The following PLEKHA4 variants were observed in gnomAD, a reference collection of about 807,000 sequenced individuals.
PLEKHA4 encodes the protein pleckstrin homology domain containing A4.
A neutral mutation model predicts 94.7 loss-of-function variants in PLEKHA4; 73 were observed. The observed-to-expected ratio is 0.77, with a 90% confidence interval of 0.64 to 0.94. PLEKHA4 has a LOEUF of 0.94. Ranked by LOEUF, PLEKHA4 falls within the 40% of genes least tolerant of loss-of-function variation. The pLI, the probability that PLEKHA4 is intolerant of heterozygous loss-of-function variation, is 0.00. For synonymous variants in PLEKHA4, 449 were observed against 437.1 expected (o/e 1.03, Z -0.34); for missense variants, 1,049 against 1,054.1 (o/e 1.00, Z 0.07).
chr19:48,865,120 G>A lies in PLEKHA4; in HGVS notation c.192+383C>T, dbSNP rs530391148. Among the ~76,000 whole-genome samples, 3 of 152,222 alleles carry A rather than the reference G, an allele frequency of 2.0e-5. No individual in the cohort carries two copies. The South Asian group carries it at 6.2e-4, about 32-fold the overall frequency. ...GCATTTTAGGGAGCCGAGGCGGGTG[G>A]ATCACTTGAGGTCGGGAGTTTCAGA... On this transcript the variant is annotated intron_variant, in intron 3 of 19. Coordinates refer to ENST00000263265, the MANE Select transcript of PLEKHA4 (RefSeq NM_020904.3).
chr19:48,841,264 C>G lies in PLEKHA4; in HGVS notation c.1790G>C (p.Arg597Pro), dbSNP rs12460394. Residue 597 changes from arginine (R) to proline (P), a missense_variant, in exon 17 of 20, where the codon CGG becomes CCG. Coordinates refer to ENST00000263265, the MANE Select transcript of PLEKHA4 (RefSeq NM_020904.3). ...PRMSAQEQLE[R>P]MRRNQECGRP... ...TCCACATTCCTGGTTTCTGCGCATCCGCTCCAGCTGCTCCTGGGCACTCAT... is the reference window on the plus strand; with the variant it reads ...TCCACATTCCTGGTTTCTGCGCATCGGCTCCAGCTGCTCCTGGGCACTCAT... The G allele has an allele frequency of 1.2e-6, 2 of 1,613,460 alleles. No homozygotes were observed. Among genetic ancestry groups the G allele is most frequent in the Non-Finnish European group, 1.7e-6 (2 of 1,179,838 alleles).
At chr19:48,864,722 AGCTAGGTTT>A (rs937383407) in intron 3 of PLEKHA4, among the ~76,000 whole-genome samples, 49 of 151,884 alleles carry the variant, frequency 3.2e-4, no homozygotes, top group African/African-American at 1.1e-3. Flanking sequence ...CACCACGCTC[AGCTAGGTTT>A]TGTGTGTGTG....
chr19:48,851,383 G>A (rs1014302127), intron 13 of PLEKHA4, among the ~76,000 whole-genome samples: 4 of 152,100 alleles, frequency 2.6e-5, no homozygotes, highest in East Asian at 1.9e-4. Flanking sequence ...TTGGGAGGCC[G>A]AGGCAGGCAG....
chr19:48,848,147 G>A, intron 13 of PLEKHA4, 107 bp from the exon 14 acceptor site: 2 of 1,243,634 alleles, frequency 1.6e-6, no homozygotes, highest in South Asian at 2.7e-5. Context: ...TATTTATGGA[G>A]TTGGGATTTA....
intron 13 of PLEKHA4, 66 bp from the exon 14 acceptor site, chr19:48,848,106 C>A: frequency 6.6e-7 from 1 of 1,514,288 alleles, no homozygotes; most frequent in Non-Finnish European, 9.1e-7. Context: ...AGCTAATAGG[C>A]CCCTGCAAAG....
intron 3 of PLEKHA4, among the ~76,000 whole-genome samples, chr19:48,862,553 G>A (rs2036683930): frequency 6.8e-6 from 1 of 146,356 alleles, no homozygotes; most frequent in Non-Finnish European, 1.5e-5. Context: ...CTGTTGCCCA[G>A]GCTGGAGTGC....
Position 48,855,325 on chromosome 19 carries a change from C to T in PLEKHA4, c.1048-1061G>A, listed in dbSNP as rs1443112509. On this transcript the variant is annotated intron_variant, in intron 9 of 19. Transcript: ENST00000263265. ...AAAAATAAAAATAAAAAAATAGGGC[C>T]GGGTGCGGTGGCTCATGCCTGTAAT... is the stretch of plus-strand genomic sequence containing the variant. Among the ~76,000 whole-genome samples, 6 of 151,846 alleles carry T rather than the reference C, an allele frequency of 4.0e-5. No homozygotes were observed. The East Asian group carries it at 9.6e-4, about 24-fold the overall frequency.
At position 48,858,915 on chromosome 19, in the gene PLEKHA4, CCAGCCT is replaced by C. The variant is rs2036528601; in HGVS notation, c.911_916del (p.Glu304_Ala305del). On this transcript the variant is annotated inframe_deletion, in exon 8 of 20. Transcript: ENST00000263265. ...GGGACTCCTGGGGGGCTTTCCTCCC[CCAGCCT>C]CAGAGGGAGGTCCTCGGCGGGGAGT... is the stretch of plus-strand genomic sequence containing the variant. 6.2e-7 allele frequency: 1 copy of C among 1,605,218 alleles called. No homozygotes were observed. The highest frequency in any genetic ancestry group is 1.8e-5 in the Admixed American group (1 of 56,648).
chr19:48,861,316 G>C lies in PLEKHA4; in HGVS notation c.366+85C>G, dbSNP rs1599926133. On this transcript the variant is annotated intron_variant, in intron 5 of 19. Coordinates refer to ENST00000263265, the MANE Select transcript of PLEKHA4 (RefSeq NM_020904.3). The stretch of plus-strand genomic sequence containing the variant: ...TAATGGATATTCCAGTGCTTGTTAG[G>C]ACTTGGAGTTTCCTCGACAGATATC... 3 of 1,116,886 alleles carry C rather than the reference G, an allele frequency of 2.7e-6. No homozygotes were observed. In the South Asian group the frequency reaches 3.7e-5, roughly 14 times the overall value. The allele number at this position is 1,116,886 out of a possible 1,614,324, so 69.2% of individuals were successfully genotyped here.
intron 14 of PLEKHA4, 118 bp from the exon 15 acceptor site, chr19:48,845,734 G>T: frequency 1.2e-6 from 1 of 854,634 alleles, no homozygotes; most frequent in Non-Finnish European, 1.7e-6. Context: ...CATAAACCAG[G>T]CCGGGCGCAG....
intron 12 of PLEKHA4, 78 bp from the exon 13 acceptor site, chr19:48,852,404 T>G (rs1788968494): frequency 8.7e-7 from 1 of 1,145,036 alleles, no homozygotes; most frequent in Admixed American, 1.8e-5. Flanking sequence ...ATTTGTCAGC[T>G]AAGGAGGAGA....
intron 2 of PLEKHA4, among the ~76,000 whole-genome samples, chr19:48,866,891 C>T (rs2036852790): frequency 6.6e-6 from 1 of 152,130 alleles, no homozygotes; most frequent in African/African-American, 2.4e-5. Context: ...GCCTCAAATC[C>T]CTCCATCCTG....
rs1335236204 is a variant in PLEKHA4, at chr19:48,859,581, A to G, written c.580T>C (p.Ser194Pro). The G allele has an allele frequency of 1.2e-6, 2 of 1,613,738 alleles. No individual in the cohort carries two copies. Among genetic ancestry groups the G allele is most frequent in the East Asian group, 4.5e-5 (2 of 44,870 alleles). The change falls in exon 7 of 20, where the codon TCA (serine) becomes CCA (proline). Residue 194 changes from serine (S) to proline (P), a missense_variant. Coordinates refer to ENST00000263265, the MANE Select transcript of PLEKHA4 (RefSeq NM_020904.3). ...SRGEEGRISESPEVTRLSRGR... is the reference protein window; with the variant it reads ...SRGEEGRISEPPEVTRLSRGR... ...CTGGAGAGTCGAGTCACTTCCGGTG[A>G]TTCTGAGATGCGCCCCTCTTCCCCT...
At position 48,839,238 on chromosome 19, in the gene PLEKHA4, T is replaced by G; in HGVS notation, c.1931A>C (p.Gln644Pro). 6.3e-7 allele frequency: 1 copy of G among 1,596,554 alleles called. No individual in the cohort carries two copies. The highest frequency in any genetic ancestry group is 8.6e-7 in the Non-Finnish European group (1 of 1,168,462). The part of the protein sequence containing the change: ...QRPVVGHSGA[Q>P]KWLRSSGSWS... ...GGACCCAGAGCTTCTGAGCCATTTC[T>G]GGGCTCCCGAGTGTCCTACGACAGG... is the stretch of plus-strand genomic sequence containing the variant. The change falls in exon 18 of 20, where the codon CAG becomes CCG. Residue 644 changes from glutamine to proline, a missense_variant. Transcript: ENST00000263265.
chr19:48,840,403 C>T (rs1167457694), intron 17 of PLEKHA4, among the ~76,000 whole-genome samples: 1 of 149,798 alleles, frequency 6.7e-6, no homozygotes, highest in Non-Finnish European at 1.5e-5. Context: ...CGACCTTGTC[C>T]CTGAAAAAAA....
chr19:48,837,709 G>T lies in PLEKHA4; in HGVS notation c.2078-158C>A, dbSNP rs2035590242. 6.6e-6 allele frequency among the ~76,000 whole-genome samples: 1 copy of T among 150,876 alleles called. No individual in the cohort carries two copies. The highest frequency in any genetic ancestry group is 1.5e-5 in the Non-Finnish European group (1 of 67,672). On this transcript the variant is annotated intron_variant, in intron 19 of 19. Transcript: ENST00000263265. The surrounding 1 kb of genome is among the most constrained non-coding windows in gnomAD (Gnocchi z 4.3). ...CCAGCCCCTCCTCCCTCAGACCCAG[G>T]AGTCCAGGCCCCCAGCCCCTCCTCC...
chr19:48,854,308 G>A (rs771870577), intron 9 of PLEKHA4, 44 bp from the exon 10 acceptor site: 2 of 1,565,858 alleles, frequency 1.3e-6, no homozygotes, highest in South Asian at 2.2e-5. Flanking sequence ...GGACAGGCTG[G>A]TCATTCTTGT....
chr19:48,858,232 T>G (rs2036497922), intron 8 of PLEKHA4, among the ~76,000 whole-genome samples: 1 of 152,080 alleles, frequency 6.6e-6, no homozygotes, highest in Non-Finnish European at 1.5e-5. Context: ...GGCAACCAAC[T>G]TGCAAGGTGA....
Position 48,857,466 on chromosome 19 carries a change from G to C in PLEKHA4, c.1003C>G (p.Leu335Val). The C allele has an allele frequency of 6.4e-7, 1 of 1,568,764 alleles. No homozygotes were observed. Residue 335 changes from leucine to valine, a missense_variant, in exon 9 of 20, where the codon CTC (leucine) becomes GTC (valine). Leu to Val is a conservative substitution (Grantham distance 32). Transcript: ENST00000263265. ...CGGGTCCCAGGGGGCCGCGGGGGGAGCTGGAGATAAGTGGGGGAGCCAGAG... is the reference window on the plus strand; with the variant it reads ...CGGGTCCCAGGGGGCCGCGGGGGGACCTGGAGATAAGTGGGGGAGCCAGAG... ...AHSGSPTYLQ[L>V]PPRPPGTRAS...
Sources: gnomAD v4.1 joint callset for allele counts (sites outside exome capture counted in the v4.1 genomes callset) on GRCh38, gnomAD v4.1.1 for gene constraint, Gnocchi (gnomAD v3.1) non-coding constraint, MANE v1.5 for transcripts, NCBI Gene and HGNC (gene_info 2026-07-23, HGNC 2026-07-21) for gene names.